COG5: variants seen among roughly 807,000 people sequenced by gnomAD.
COG5 encodes the protein component of oligomeric golgi complex 5, also known as conserved oligomeric Golgi complex subunit 5.
Under a neutral mutation model 110.4 loss-of-function variants are expected in COG5, and 86 were observed. The ratio of observed to expected loss-of-function variants is 0.78; its 90% confidence interval spans 0.65 to 0.93. The LOEUF is 0.93. Ranked by LOEUF, COG5 falls within the 40% of genes least tolerant of loss-of-function variation. The probability of loss-of-function intolerance (pLI) is 0.00; values close to 1 mark genes in which losing one functional copy is unlikely to be tolerated. For synonymous variants in COG5, 360 were observed against 334.6 expected (o/e 1.08, Z -0.83); for missense variants, 1,077 against 987.0 (o/e 1.09, Z -1.22).
chr7:107,500,700 A>G (rs576250692), intron 6 of COG5, among the ~76,000 whole-genome samples: 1 of 152,318 alleles, frequency 6.6e-6, no homozygotes, highest in South Asian at 2.1e-4. Context: ...AAACCATGTC[A>G]TCAGTATGTA....
At chr7:107,246,771 G>C (rs983289179) in intron 17 of COG5, among the ~76,000 whole-genome samples, 8 of 152,154 alleles carry the variant, frequency 5.3e-5, no homozygotes, top group African/African-American at 1.9e-4. Flanking sequence ...CGCTGTGGTG[G>C]GAGTGTAAAT....
chr7:107,391,953 T>C (rs1790653984), intron 7 of COG5, among the ~76,000 whole-genome samples: 1 of 152,128 alleles, frequency 6.6e-6, no homozygotes, highest in African/African-American at 2.4e-5. Context: ...TAGCTGGGCA[T>C]GGTGGCGGCC....
intron 6 of COG5, among the ~76,000 whole-genome samples, chr7:107,513,139 A>G (rs1799656700): frequency 6.6e-6 from 1 of 151,916 alleles, no homozygotes; most frequent in South Asian, 2.1e-4. Context: ...AATTTTTGCA[A>G]CCTACTCATC....
In COG5 at chr7:107,546,495, G is replaced by A. The variant is rs1252654350; in HGVS notation, c.417+1616C>T. Among the ~76,000 whole-genome samples, 5 of 143,018 alleles carry A rather than the reference G, an allele frequency of 3.5e-5. No homozygotes were observed. The Admixed American group carries it at 3.7e-4, about 11-fold the overall frequency. The allele number at this position is 143,018 out of a possible 152,430, so 93.8% of individuals were successfully genotyped here. A position where few individuals can be genotyped will look rare whatever the true frequency, so the allele number is the denominator to read the frequency against. On this transcript the variant is annotated intron_variant, in intron 5 of 21. Transcript: ENST00000297135. ...CTTTTGTCCAGGCTCCAGTACAATG[G>A]TGCAATCTTGGCTCGCTGCAACTTC...
chr7:107,498,252 C>G (rs373191117), intron 6 of COG5, among the ~76,000 whole-genome samples: 2 of 152,136 alleles, frequency 1.3e-5, no homozygotes, highest in East Asian at 3.8e-4. Context: ...ACCAAAAACA[C>G]AGACAACAAA....
At chr7:107,247,704 A>C (rs191392061) in intron 17 of COG5, among the ~76,000 whole-genome samples, 103 of 152,316 alleles carry the variant, frequency 6.8e-4, no homozygotes, top group African/African-American at 2.5e-3. Context: ...AAACCATTTT[A>C]CTCTATTTTA....
chr7:107,506,035 T>C (rs1798971321), intron 6 of COG5, among the ~76,000 whole-genome samples: 3 of 152,170 alleles, frequency 2.0e-5, no homozygotes, highest in African/African-American at 4.8e-5. Flanking sequence ...TCTTAATGTG[T>C]TGGCTTTCTG....
intron 17 of COG5, among the ~76,000 whole-genome samples, chr7:107,246,776 G>A (rs1390601716): frequency 2.0e-5 from 3 of 152,184 alleles, no homozygotes; most frequent in Non-Finnish European, 2.9e-5. Context: ...TGGTGGGAGT[G>A]TAAATTAGTT....
chr7:107,211,165 A>G lies in COG5; in HGVS notation c.2229T>C (p.Ile743=), dbSNP rs1799136964. 1 of 1,613,926 alleles carries G rather than the reference A, an allele frequency of 6.2e-7. No individual in the cohort carries two copies. Among genetic ancestry groups the G allele is most frequent in the Admixed American group, 1.7e-5 (1 of 60,004 alleles). ...VASSPALGDV[I]PFSIIIQFLF... The stretch of plus-strand genomic sequence containing the variant: ...AAAACTGAATAATGATGCTGAACGG[A>G]ATCACATCCCCCAATGCAGGACTAC... Residue 743 remains isoleucine (I), a synonymous_variant, in exon 20 of 22, where the codon ATT becomes ATC. Transcript: ENST00000297135.
intron 8 of COG5, among the ~76,000 whole-genome samples, chr7:107,369,390 T>C (rs1166844522): frequency 6.9e-6 from 1 of 145,310 alleles, no homozygotes; most frequent in Non-Finnish European, 1.5e-5. Context: ...AATTCTTTTT[T>C]TTTTTTTTTT....
intron 7 of COG5, among the ~76,000 whole-genome samples, chr7:107,391,605 A>C (rs919145681): frequency 6.6e-6 from 1 of 152,178 alleles, no homozygotes; most frequent in East Asian, 1.9e-4. Flanking sequence ...TAAAAGTTGT[A>C]TAGTTTCAAG....
At chr7:107,392,723 T>A (rs149466425) in intron 7 of COG5, among the ~76,000 whole-genome samples, 23 of 151,680 alleles carry the variant, frequency 1.5e-4, no homozygotes, top group Non-Finnish European at 2.5e-4. Context: ...TGTTTTTCAG[T>A]AGCATTAACA....
chr7:107,386,718 C>G (rs1458076422), intron 7 of COG5, among the ~76,000 whole-genome samples: 1 of 152,026 alleles, frequency 6.6e-6, no homozygotes, highest in Non-Finnish European at 1.5e-5. Flanking sequence ...TAACCCAAAG[C>G]CCAAGGTTCC....
intron 14 of COG5, among the ~76,000 whole-genome samples, chr7:107,270,568 T>C (rs908382391): frequency 6.6e-6 from 1 of 152,086 alleles, no homozygotes; most frequent in African/African-American, 2.4e-5. Flanking sequence ...GCCTCACATA[T>C]GTTTTGAATT....
intron 19 of COG5, among the ~76,000 whole-genome samples, chr7:107,227,790 C>T (rs1800464358): frequency 2.0e-5 from 3 of 152,112 alleles, no homozygotes; most frequent in Admixed American, 1.3e-4. Context: ...CTCACTGTAA[C>T]CTCCAGCTCC....
In COG5 at chr7:107,461,862, C is replaced by G. The variant is rs1037031004; in HGVS notation, c.539-49230G>C. Among the ~76,000 whole-genome samples, 9 of 152,196 alleles carry G rather than the reference C, an allele frequency of 5.9e-5. No individual in the cohort carries two copies. The South Asian group carries it at 1.0e-3, about 18-fold the overall frequency. ...TGTGAGACCTCTACACTGAAAATTA[C>G]AAAATATTACCAAGAGAAATTAAAG... is the stretch of plus-strand genomic sequence containing the variant. On this transcript the variant is annotated intron_variant, in intron 6 of 21. Transcript: ENST00000297135.
Position 107,236,639 on chromosome 7 carries a change from C to G in COG5, c.1902G>C (p.Met634Ile). 1.2e-6 allele frequency: 2 copies of G among 1,614,146 alleles called. No individual in the cohort carries two copies. The highest frequency in any genetic ancestry group is 8.5e-7 in the Non-Finnish European group (1 of 1,180,012). ...TGGCAATGAAACCTTGTAGCTCCTTCATGTACAGAGAACAAGGAACATCAG... is the reference window on the plus strand; with the variant it reads ...TGGCAATGAAACCTTGTAGCTCCTTGATGTACAGAGAACAAGGAACATCAG... ...GKPDVPCSLYMKELQGFIARV... is the reference protein window; with the variant it reads ...GKPDVPCSLYIKELQGFIARV... The change falls in exon 18 of 22, where the codon ATG becomes ATC. Residue 634 changes from methionine (M) to isoleucine (I), a missense_variant. Coordinates refer to ENST00000297135, the MANE Select transcript of COG5 (RefSeq NM_006348.5).
chr7:107,238,557 T>C (rs937212855), intron 17 of COG5, among the ~76,000 whole-genome samples: 2 of 152,194 alleles, frequency 1.3e-5, no homozygotes, highest in Non-Finnish European at 1.5e-5. Context: ...CTGTTTTTAG[T>C]TTTTTGAGAA....
chr7:107,554,150 G>T, intron 3 of COG5, 135 bp downstream of exon 3: 2 of 730,750 alleles, frequency 2.7e-6, no homozygotes, highest in Non-Finnish European at 2.5e-6. Context: ...ACTCTACAAT[G>T]GCAGAGTTTA....
Sources: gnomAD v4.1 joint callset for allele counts (sites outside exome capture counted in the v4.1 genomes callset) on GRCh38, gnomAD v4.1.1 for gene constraint, MANE v1.5 for transcripts, NCBI Gene and HGNC (gene_info 2026-07-23, HGNC 2026-07-21) for gene names.